JAK2: variants seen among roughly 807,000 people sequenced by gnomAD.
JAK2 encodes Janus kinase 2.
JAK2 carries 86 observed loss-of-function variants against 139.3 expected under a neutral mutation model. The ratio of observed to expected loss-of-function variants is 0.62; its 90% confidence interval spans 0.52 to 0.74. The LOEUF (loss-of-function observed/expected upper bound fraction) is 0.74, where lower values mean the gene tolerates loss of function less well. JAK2 is among the 30% of genes least tolerant of loss of function. JAK2 has a pLI of 0.00. For missense variants in JAK2, 1,421 were observed against 1,360.3 expected, an observed-to-expected ratio of 1.04 and a Z score of -0.70; for synonymous variants, 490 against 437.7, an observed-to-expected ratio of 1.12 and a Z score of -1.49.
At chr9:5,111,095 G>C (rs894579970) in intron 22 of JAK2, 4 of 1,224,730 alleles carry the variant, frequency 3.3e-6, no homozygotes, top group Non-Finnish European at 4.6e-6. Context: ...TGGGGCAGCG[G>C]CGACCAGAAC....
intron 4 of JAK2, among the ~76,000 whole-genome samples, chr9:5,039,522 A>G (rs1020609797): frequency 2.0e-5 from 3 of 152,152 alleles, no homozygotes; most frequent in African/African-American, 7.2e-5. Context: ...TTCTGGAACT[A>G]GTACTGCATA....
intron 19 of JAK2, among the ~76,000 whole-genome samples, chr9:5,084,586 G>T (rs1028638663): frequency 1.3e-5 from 2 of 152,084 alleles, no homozygotes; most frequent in African/African-American, 4.8e-5. Flanking sequence ...AAGGAGCCAA[G>T]AAACTATTGT....
At chr9:5,042,445 C>G (rs886121818) in intron 4 of JAK2, among the ~76,000 whole-genome samples, 1 of 152,112 alleles carries the variant, frequency 6.6e-6, no homozygotes, top group Admixed American at 6.5e-5. Flanking sequence ...CCAAGACTGG[C>G]CAAAATTTCT....
At chr9:5,077,975 G>A (rs1322167715) in intron 15 of JAK2, among the ~76,000 whole-genome samples, 1 of 152,170 alleles carries the variant, frequency 6.6e-6, no homozygotes, top group Non-Finnish European at 1.5e-5. Context: ...CCCTCAGGGT[G>A]CACCTATGTC....
intron 2 of JAK2, among the ~76,000 whole-genome samples, chr9:5,020,465 C>T (rs1822343843): frequency 1.3e-5 from 2 of 152,098 alleles, no homozygotes; most frequent in South Asian, 2.1e-4. Context: ...TTTCCAATTT[C>T]CTGGTGGAAT....
Position 5,065,046 on chromosome 9 carries a change from T to C in JAK2, c.1214+6T>C. ...AACTGTCATGGCCCAATTTCGTGAG[T>C]AATACAGACTTAAAAGTAAATTTTT... On this transcript the variant is annotated splice_donor_region_variant and intron_variant, in intron 9 of 24. Transcript: ENST00000381652. 1.3e-6 allele frequency: 2 copies of C among 1,533,512 alleles called. No individual in the cohort carries two copies. The highest frequency in any genetic ancestry group is 1.8e-6 in the Non-Finnish European group (2 of 1,140,808). The allele number at this position is 1,533,512 out of a possible 1,614,324, so 95.0% of individuals were successfully genotyped here.
rs562525754 is a variant in JAK2, at chr9:5,072,434, G to T, written c.1642-58G>T. On this transcript the variant is annotated intron_variant, in intron 12 of 24. Transcript: ENST00000381652. ...TCTTCCTCATTGAATGTATTTTCTT[G>T]TTCCTACTTCGTTCTCCATCTTTAC... 6 of 1,317,422 alleles carry T rather than the reference G, an allele frequency of 4.6e-6. No individual in the cohort carries two copies. In the South Asian group the frequency reaches 9.0e-5, roughly 20 times the overall value. 81.6% of individuals were successfully genotyped at this position (1,317,422 alleles called of 1,614,324 possible). A position where few individuals can be genotyped will look rare whatever the true frequency, so the allele number is the denominator to read the frequency against.
chr9:5,020,516 C>T (rs951966124), intron 2 of JAK2, among the ~76,000 whole-genome samples: 7 of 152,064 alleles, frequency 4.6e-5, no homozygotes, highest in Non-Finnish European at 7.4e-5. Context: ...TGCCCTGATG[C>T]TGGGGAGGGT....
At chr9:5,117,412 C>G (rs954162369) in intron 22 of JAK2, among the ~76,000 whole-genome samples, 2 of 152,118 alleles carry the variant, frequency 1.3e-5, no homozygotes, top group Admixed American at 1.3e-4. Flanking sequence ...AACAGCAGTT[C>G]TGAAAGTGTG....
At chr9:5,084,117 A>G (rs1264343980) in intron 19 of JAK2, among the ~76,000 whole-genome samples, 1 of 152,176 alleles carries the variant, frequency 6.6e-6, no homozygotes, top group Admixed American at 6.5e-5. Flanking sequence ...TTTAAACATA[A>G]GTAAATTGAA....
At chr9:5,072,416 C>A in intron 12 of JAK2, 76 bp from the exon 13 acceptor site, 3 of 1,107,380 alleles carry the variant, frequency 2.7e-6, no homozygotes, top group Non-Finnish European at 3.7e-6. Context: ...AATTCTTCCT[C>A]ATTGAATGTA....
rs977133476 is a variant in JAK2, at chr9:5,054,265, T to G, written c.615-298T>G. ...GGTATGTGAAATAGAGAAAAGGAATTTTTAGAGATTCTTATTAACTAGACT... is the reference window on the plus strand; with the variant it reads ...GGTATGTGAAATAGAGAAAAGGAATGTTTAGAGATTCTTATTAACTAGACT... On this transcript the variant is annotated intron_variant, in intron 6 of 24. Coordinates refer to ENST00000381652, the MANE Select transcript of JAK2 (RefSeq NM_004972.4). This position sits in a 1 kb window ranked among gnomAD's most constrained non-coding sequence, Gnocchi z 4.9. Among the ~76,000 whole-genome samples the G allele has an allele frequency of 6.6e-6, 1 of 152,058 alleles. No individual in the cohort carries two copies. The highest frequency in any genetic ancestry group is 2.4e-5 in the African/African-American group (1 of 41,440).
intron 2 of JAK2, among the ~76,000 whole-genome samples, chr9:4,993,023 T>C (rs1820348243): frequency 6.6e-6 from 1 of 152,210 alleles, no homozygotes; most frequent in Non-Finnish European, 1.5e-5. Flanking sequence ...CTGAGCTTGC[T>C]TCCTGCCTGT....
At chr9:5,091,057 A>G in intron 22 of JAK2, 146 bp downstream of exon 22, 1 of 569,912 alleles carries the variant, frequency 1.8e-6, no homozygotes, top group Non-Finnish European at 3.0e-6. Flanking sequence ...TTTTTTTTTT[A>G]GGTCTTATAG....
At chr9:5,077,287 A>G (rs1381164221) in intron 14 of JAK2, among the ~76,000 whole-genome samples, 166 bp from the exon 15 acceptor site, 1 of 150,868 alleles carries the variant, frequency 6.6e-6, no homozygotes, top group Non-Finnish European at 1.5e-5. Context: ...ACTAAAAACC[A>G]AAAATATAAT....
Position 5,127,687 on chromosome 9 carries a change from G to C in JAK2, c.*896G>C, listed in dbSNP as rs115158615. ...CTGCTGACTGCCAATAACATTCTTC[G>C]ATCTCTGGGATTTATGCTCATGAAC... On this transcript the variant is annotated 3_prime_UTR_variant, in exon 25 of 25. Coordinates refer to ENST00000381652, the MANE Select transcript of JAK2 (RefSeq NM_004972.4). 4.3e-6 allele frequency: 1 copy of C among 231,860 alleles called. No homozygotes were observed. Among genetic ancestry groups the C allele is most frequent in the Non-Finnish European group, 8.6e-6 (1 of 116,904 alleles). The allele number at this position is 231,860 out of a possible 1,614,324, so 14.4% of individuals were successfully genotyped here. A position where few individuals can be genotyped will look rare whatever the true frequency, so the allele number is the denominator to read the frequency against.
chr9:5,080,379 G>C lies in JAK2; in HGVS notation c.2282G>C (p.Arg761Thr). 2 of 1,610,828 alleles carry C rather than the reference G, an allele frequency of 1.2e-6. No individual in the cohort carries two copies. Among genetic ancestry groups the C allele is most frequent in the African/African-American group, 1.3e-5 (1 of 74,806 alleles). The change falls in exon 17 of 25, where the codon AGA becomes ACA. Residue 761 changes from arginine (R) to threonine (T), a missense_variant and splice_region_variant. Coordinates refer to ENST00000381652, the MANE Select transcript of JAK2 (RefSeq NM_004972.4). ...CCTCTAAGTGCTCTGGATTCTCAAA[G>C]AGTAAGTTTATATAGACTAAGTTAG... ...DKPLSALDSQ[R>T]KLQFYEDRHQ...
intron 23 of JAK2, 82 bp downstream of exon 23, chr9:5,123,203 G>C (rs1823750712): frequency 1.1e-6 from 1 of 873,760 alleles, no homozygotes; most frequent in Non-Finnish European, 1.8e-6. Context: ...GTACAATTTT[G>C]CTACATGCAT....
chr9:5,030,914 A>G (rs1443753357), intron 4 of JAK2, among the ~76,000 whole-genome samples: 1 of 152,164 alleles, frequency 6.6e-6, no homozygotes, highest in Non-Finnish European at 1.5e-5. Flanking sequence ...CAAAGAAATA[A>G]TAGATGTACA....
Sources: gnomAD v4.1 joint callset for allele counts (sites outside exome capture counted in the v4.1 genomes callset) on GRCh38, gnomAD v4.1.1 for gene constraint, Gnocchi (gnomAD v3.1) non-coding constraint, MANE v1.5 for transcripts, NCBI Gene and HGNC (gene_info 2026-07-23, HGNC 2026-07-21) for gene names.